Variants in MROH2A observed in about 807,000 individuals in gnomAD.
MROH2A encodes the protein maestro heat like repeat family member 2A, also known as maestro heat-like repeat-containing protein family member 2A.
MROH2A carries 174 observed loss-of-function variants against 200.4 expected under a neutral mutation model. That is an observed-to-expected ratio of 0.87 (90% CI 0.77 to 0.98). The LOEUF (loss-of-function observed/expected upper bound fraction) is 0.98, where lower values mean the gene tolerates loss of function less well. MROH2A is among the 50% of genes least tolerant of loss of function. MROH2A has a pLI of 0.00. For synonymous variants in MROH2A, 829 were observed against 840.4 expected (o/e 0.99, Z 0.23); for missense variants, 2,045 against 2,139.6 (o/e 0.96, Z 0.87).
chr2:233,788,753 C>T (rs529625956), intron 3 of MROH2A, among the ~76,000 whole-genome samples: 121 of 151,524 alleles, frequency 8.0e-4, no homozygotes, highest in African/African-American at 2.9e-3. Flanking sequence ...TTGGCTAACA[C>T]GGTGAAACCC....
Position 233,813,777 on chromosome 2 carries a change from A to C in MROH2A, c.2759A>C (p.Lys920Thr), listed in dbSNP as rs1207200656. 3.9e-6 allele frequency: 6 copies of C among 1,526,494 alleles called. No homozygotes were observed. Among genetic ancestry groups the C allele is most frequent in the Non-Finnish European group, 5.3e-6 (6 of 1,125,382 alleles). The allele number at this position is 1,526,494 out of a possible 1,614,324, so 94.6% of individuals were successfully genotyped here. The part of the protein sequence containing the change: ...QLPGEDNESI[K>T]TLYANALSSL... The stretch of plus-strand genomic sequence containing the variant: ...CCAGGAGAGGACAATGAGTCCATTA[A>C]GGTAGGTCCCTCTGGGATGCCTCAT... The change falls in exon 25 of 42, where the codon AAG (lysine) becomes ACG (threonine). Residue 920 changes from lysine (K) to threonine (T), a missense_variant and splice_region_variant. By Grantham distance (78) the Lys-to-Thr change is moderately conservative. Coordinates refer to ENST00000389758, the MANE Select transcript of MROH2A (RefSeq NM_001394639.1).
chr2:233,821,183 G>A lies in MROH2A; in HGVS notation c.3513-941G>A, dbSNP rs960367345. On this transcript the variant is annotated intron_variant, in intron 31 of 41. Coordinates refer to ENST00000389758, the MANE Select transcript of MROH2A (RefSeq NM_001394639.1). ...TGGGTTAGCTGGGCTTTCTGTTCAG[G>A]GTCTCACAAGCCTGTGATGAGGGTG... Among the ~76,000 whole-genome samples, 4 of 152,182 alleles carry A rather than the reference G, an allele frequency of 2.6e-5. No homozygotes were observed. The South Asian group carries it at 8.3e-4, about 32-fold the overall frequency.
In MROH2A at chr2:233,806,775, G is replaced by T. The variant is rs180675475; in HGVS notation, c.2053-648G>T. On this transcript the variant is annotated intron_variant, in intron 19 of 41. Transcript: ENST00000389758. ...GTAGTCTGACCTCCCAGAATAACCT[G>T]AACACTTATTTTATTTATTTTTTTG... Among the ~76,000 whole-genome samples the T allele has an allele frequency of 2.7e-3, 415 of 152,164 alleles. 2 individuals are homozygous for T. The highest frequency in any genetic ancestry group is 4.0e-3 in the Non-Finnish European group (270 of 67,998).
intron 26 of MROH2A, among the ~76,000 whole-genome samples, 156 bp from the exon 27 acceptor site, chr2:233,816,625 C>G (rs764117234): frequency 1.3e-5 from 2 of 152,208 alleles, no homozygotes; most frequent in African/African-American, 2.4e-5. Context: ...TCCCTGCCTA[C>G]AGCCTCATCT....
intron 38 of MROH2A, 31 bp downstream of exon 38, chr2:233,829,806 T>G (rs1704594063): frequency 7.7e-7 from 1 of 1,292,136 alleles, no homozygotes; most frequent in Non-Finnish European, 9.9e-7. Flanking sequence ...TGTGTCCCAG[T>G]CTGGGGCCCG....
chr2:233,818,787 C>A lies in MROH2A; in HGVS notation c.3204+17C>A. 6.8e-7 allele frequency: 1 copy of A among 1,475,706 alleles called. No homozygotes were observed. 91.4% of individuals were successfully genotyped at this position (1,475,706 alleles called of 1,614,324 possible). Reference sequence around the variant, plus strand: ...ATCGCCAAGGTGACAGCCGGGGAGCCTGCCTGGGCTGCCAGGCTGGTCTCA... The same window carrying A: ...ATCGCCAAGGTGACAGCCGGGGAGCATGCCTGGGCTGCCAGGCTGGTCTCA... On this transcript the variant is annotated intron_variant, in intron 29 of 41. Transcript: ENST00000389758.
rs961102902 is a variant in MROH2A at position 233,802,219 on chromosome 2, G to C, written c.1612G>C (p.Ala538Pro). 1.3e-6 allele frequency: 2 copies of C among 1,550,380 alleles called. No homozygotes were observed. The highest frequency in any genetic ancestry group is 1.4e-5 in the African/African-American group (1 of 73,024). ...CYIMETDYVE[A>P]LTPICISLTN... is the part of the protein sequence containing the mutation. ...CATCATGGAGACAGACTACGTGGAA[G>C]CTTTGACTCCTATCTGTATCAGCCT... The change falls in exon 15 of 42, where the codon GCT becomes CCT. Residue 538 changes from alanine to proline, a missense_variant. Physicochemically the swap from Ala to Pro is conservative, Grantham distance 27. Transcript: ENST00000389758.
At chr2:233,794,096 T>C (rs767839220) in intron 7 of MROH2A, among the ~76,000 whole-genome samples, 5 of 152,144 alleles carry the variant, frequency 3.3e-5, no homozygotes, top group Non-Finnish European at 7.4e-5. Context: ...GTCTTACCCA[T>C]GGGAGCTATT....
In MROH2A at chr2:233,828,428, T is replaced by C; in HGVS notation, c.4114-202T>C. 1.7e-6 allele frequency: 1 copy of C among 572,164 alleles called. No individual in the cohort carries two copies. Among genetic ancestry groups the C allele is most frequent in the East Asian group, 2.9e-5 (1 of 35,066 alleles). 35.4% of individuals were successfully genotyped at this position (572,164 alleles called of 1,614,324 possible). On this transcript the variant is annotated intron_variant, in intron 35 of 41. Coordinates refer to ENST00000389758, the MANE Select transcript of MROH2A (RefSeq NM_001394639.1). This position sits in a 1 kb window ranked among gnomAD's most constrained non-coding sequence, Gnocchi z 4.6. ...ACACTTATCTAGCATTCCCCCCATA[T>C]TTCCTTATTAAATCCCCACACAGAC...
chr2:233,802,127 G>A, intron 14 of MROH2A, 41 bp from the exon 15 acceptor site: 3 of 1,525,324 alleles, frequency 2.0e-6, no homozygotes, highest in Non-Finnish European at 2.7e-6. Context: ...CCCAGGGCTT[G>A]GGCTAATTCT....
intron 3 of MROH2A, among the ~76,000 whole-genome samples, chr2:233,786,826 T>A (rs984519920): frequency 6.6e-6 from 1 of 152,060 alleles, no homozygotes; most frequent in Non-Finnish European, 1.5e-5. Flanking sequence ...GCATCAAAGA[T>A]TTTATTTTCT....
intron 28 of MROH2A, among the ~76,000 whole-genome samples, 198 bp from the exon 29 acceptor site, chr2:233,818,454 C>T (rs577571906): frequency 2.5e-4 from 38 of 152,202 alleles, no homozygotes; most frequent in African/African-American, 8.9e-4. Context: ...GAGCAGGCCT[C>T]TGAGCTGGGC....
intron 3 of MROH2A, among the ~76,000 whole-genome samples, chr2:233,789,005 A>AATACGACC (rs1701561304): frequency 1.3e-5 from 2 of 151,886 alleles, no homozygotes; most frequent in Admixed American, 1.3e-4. Context: ...AGTATTCTCA[A>AATACGACC]ATACGACCCT....
chr2:233,781,718 T>C (rs557334976), intron 3 of MROH2A, among the ~76,000 whole-genome samples: 1 of 152,340 alleles, frequency 6.6e-6, no homozygotes, highest in South Asian at 2.1e-4. Flanking sequence ...CATAAGTTTT[T>C]TGCTTGACAT....
intron 6 of MROH2A, among the ~76,000 whole-genome samples, chr2:233,793,166 A>G (rs565128406): frequency 1.3e-5 from 2 of 152,360 alleles, no homozygotes; most frequent in South Asian, 4.1e-4. Context: ...GTAATTAAGC[A>G]CTTCAGTTCA....
Position 233,800,219 on chromosome 2 carries a change from G to C in MROH2A, c.1464G>C (p.Glu488Asp), listed in dbSNP as rs1031748431. ...LSTYKLTNRREKFYQRDLEER... is the reference protein window; with the variant it reads ...LSTYKLTNRRDKFYQRDLEER... ...CTTTCTTCCAGACAAATCGCCGGGA[G>C]AAGTTTTATCAGAGGGACTTGGAGG... The change falls in exon 14 of 42, where the codon GAG (glutamate) becomes GAC (aspartate). Residue 488 changes from glutamate to aspartate, a missense_variant. By Grantham distance (45) the Glu-to-Asp change is conservative (BLOSUM62 2). This residue lies in a region of MROH2A where 831 missense variants were observed against 800.0 expected (regional missense o/e 1.04). Coordinates refer to ENST00000389758, the MANE Select transcript of MROH2A (RefSeq NM_001394639.1). 1 of 1,549,250 alleles carries C rather than the reference G, an allele frequency of 6.5e-7. No individual in the cohort carries two copies. The highest frequency in any genetic ancestry group is 2.0e-5 in the Admixed American group (1 of 50,730).
Position 233,798,791 on chromosome 2 carries a change from AG to A in MROH2A, c.1273del (p.Ala425ProfsTer8). 3 of 1,550,422 alleles carry A rather than the reference AG, an allele frequency of 1.9e-6. No homozygotes were observed. Among genetic ancestry groups the A allele is most frequent in the Non-Finnish European group, 2.6e-6 (3 of 1,146,838 alleles). ...TCTTTCAGAGCCCAGGATGAGTATC[AG>A]GGCCATCTACCTGGCTATCCGGGTA... The part of the protein sequence containing the change: ...VSADEPRMSI[R>X]AIYLAIRVVK... On this transcript the variant is annotated frameshift_variant, in exon 12 of 42. Transcript: ENST00000389758. LOFTEE classifies it high-confidence loss of function.
Position 233,832,201 on chromosome 2 carries a change from T to C in MROH2A, c.4759T>C (p.Tyr1587His). The C allele has an allele frequency of 6.4e-7, 1 of 1,550,680 alleles. No individual in the cohort carries two copies. Among genetic ancestry groups the C allele is most frequent in the East Asian group, 2.4e-5 (1 of 40,928 alleles). ...ILTRKKPAVL[Y>H]RFLLETMAYV... Reference sequence around the variant, plus strand: ...GACTCGGAAAAAGCCGGCTGTTCTCTACCGCTTCTTGCTAGAAACAATGGC... The same window carrying C: ...GACTCGGAAAAAGCCGGCTGTTCTCCACCGCTTCTTGCTAGAAACAATGGC... The change falls in exon 40 of 42, where the codon TAC (tyrosine) becomes CAC (histidine). Residue 1587 changes from tyrosine (Y) to histidine (H), a missense_variant. Physicochemically the swap from Tyr to His is moderately conservative, Grantham distance 83 (BLOSUM62 2). Around this residue, in one of 3 missense-constraint regions of MROH2A, gnomAD observed 1,201 missense variants for 1,311.3 expected, o/e 0.92. Coordinates refer to ENST00000389758, the MANE Select transcript of MROH2A (RefSeq NM_001394639.1).
chr2:233,795,272 A>G (rs1465312275), intron 8 of MROH2A, among the ~76,000 whole-genome samples: 1 of 152,120 alleles, frequency 6.6e-6, no homozygotes, highest in African/African-American at 2.4e-5. Context: ...TAAAGGGATC[A>G]CTCATCTATA....
Sources: allele counts gnomAD v4.1 joint callset (sites outside exome capture counted in the v4.1 genomes callset), GRCh38; gene constraint gnomAD v4.1.1; regional missense constraint gnomAD v4.1.1; non-coding constraint Gnocchi (gnomAD v3.1); transcripts MANE v1.5; gene names NCBI Gene and HGNC (gene_info 2026-07-23, HGNC 2026-07-21).